Variants in IKZF1 observed in about 807,000 individuals in gnomAD.
The protein encoded by IKZF1 is DNA-binding protein Ikaros.
Under a neutral mutation model 51.7 loss-of-function variants are expected in IKZF1, and 10 were observed. That is an observed-to-expected ratio of 0.19 (90% CI 0.12 to 0.33). The LOEUF (loss-of-function observed/expected upper bound fraction) is 0.33, where lower values mean the gene tolerates loss of function less well. Among genes scored for constraint, IKZF1 ranks in the 10% least tolerant of loss-of-function variants. The pLI, the probability that IKZF1 is intolerant of heterozygous loss-of-function variation, is 1.00. For synonymous variants in IKZF1, 280 were observed against 282.3 expected, an observed-to-expected ratio of 0.99 and a Z score of 0.08; for missense variants, 484 against 707.5, an observed-to-expected ratio of 0.68 and a Z score of 3.58.
At chr7:50,333,616 T>C (rs1796902664) in intron 3 of IKZF1, among the ~76,000 whole-genome samples, 1 of 152,234 alleles carries the variant, frequency 6.6e-6, no homozygotes, top group South Asian at 2.1e-4. Flanking sequence ...TCAAGCATGT[T>C]CAAATGTGAG....
chr7:50,382,714 C>T lies in IKZF1; in HGVS notation c.589+7C>T, dbSNP rs758843088. The T allele has an allele frequency of 6.2e-7, 1 of 1,602,480 alleles. No homozygotes were observed. The highest frequency in any genetic ancestry group is 8.5e-7 in the Non-Finnish European group (1 of 1,178,390). ...CACCTGAGGACGCACTCCGGTAGGT[C>T]CCCTGGATGCAGTCCGGGGCTGTCT... On this transcript the variant is annotated splice_region_variant and intron_variant, in intron 5 of 7. Transcript: ENST00000331340.
At chr7:50,337,180 A>C (rs998994493) in intron 3 of IKZF1, among the ~76,000 whole-genome samples, 2,170 of 152,166 alleles carry the variant, frequency 0.014, 59 homozygotes, top group African/African-American at 0.05. Flanking sequence ...CCAAGGGAAG[A>C]AAGAAGACAA....
Position 50,376,955 on chromosome 7 carries a change from C to T in IKZF1, c.421+162C>T. 1 of 1,246,032 alleles carries T rather than the reference C, an allele frequency of 8.0e-7. No individual in the cohort carries two copies. The allele number at this position is 1,246,032 out of a possible 1,614,324, so 77.2% of individuals were successfully genotyped here. A position where few individuals can be genotyped will look rare whatever the true frequency, so the allele number is the denominator to read the frequency against. On this transcript the variant is annotated intron_variant, in intron 4 of 7. Transcript: ENST00000331340. The surrounding 1 kb of genome is among the most constrained non-coding windows in gnomAD (Gnocchi z 4.5). The stretch of plus-strand genomic sequence containing the variant: ...TCCAAGTGGTACCGAGTCATAGAGT[C>T]CTTGTTCTGGTACAGCCTTGTAAAG...
chr7:50,372,251 C>T (rs567141765), intron 3 of IKZF1, among the ~76,000 whole-genome samples: 9 of 152,296 alleles, frequency 5.9e-5, no homozygotes, highest in South Asian at 2.1e-4. Flanking sequence ...TGCATTTTTC[C>T]GCAAAGAAAA....
intron 3 of IKZF1, among the ~76,000 whole-genome samples, chr7:50,375,715 C>T (rs1303382523): frequency 3.7e-5 from 5 of 133,748 alleles, no homozygotes; most frequent in African/African-American, 8.3e-5. Context: ...ACCCCCCCCC[C>T]CCACCCACCA....
At position 50,401,111 on chromosome 7, in the gene IKZF1, G is replaced by A; in HGVS notation, c.*484G>A. On this transcript the variant is annotated 3_prime_UTR_variant, in exon 8 of 8. Coordinates refer to ENST00000331340, the MANE Select transcript of IKZF1 (RefSeq NM_006060.6). ...GCAGGTGAGCAGACAGGACAGGTGT[G>A]CCGCCACCCAAGTGCCAAGACACAG... The A allele has an allele frequency of 3.9e-6, 1 of 255,206 alleles. No individual in the cohort carries two copies. The allele number at this position is 255,206 out of a possible 1,614,324, so 15.8% of individuals were successfully genotyped here.
chr7:50,404,888 C>G lies in IKZF1; in HGVS notation c.*4261C>G, dbSNP rs76622586. ...CCCTTTTCTGATCTCCTGGAAACAG[C>G]TGCCTGCCTGCATTGCACTTCTCTT... On this transcript the variant is annotated 3_prime_UTR_variant, in exon 8 of 8. Coordinates refer to ENST00000331340, the MANE Select transcript of IKZF1 (RefSeq NM_006060.6). 166 of 218,088 alleles carry G rather than the reference C, an allele frequency of 7.6e-4. 2 individuals are homozygous for G. In the East Asian group the frequency reaches 0.011, roughly 15 times the overall value. 13.5% of individuals were successfully genotyped at this position (218,088 alleles called of 1,614,324 possible). A position where few individuals can be genotyped will look rare whatever the true frequency, so the allele number is the denominator to read the frequency against.
chr7:50,351,896 T>G (rs1030801381), intron 3 of IKZF1, among the ~76,000 whole-genome samples: 1 of 152,092 alleles, frequency 6.6e-6, no homozygotes, highest in Non-Finnish European at 1.5e-5. Context: ...TTTAAAGACT[T>G]TCTTGAAAAC....
chr7:50,391,486 A>T (rs1308694535), intron 6 of IKZF1, among the ~76,000 whole-genome samples: 1 of 152,180 alleles, frequency 6.6e-6, no homozygotes, highest in African/African-American at 2.4e-5. Flanking sequence ...GTGCATTTGG[A>T]CTTAAAGAGG....
chr7:50,335,367 T>C (rs1197498606), intron 3 of IKZF1, among the ~76,000 whole-genome samples: 1 of 146,422 alleles, frequency 6.8e-6, no homozygotes, highest in Non-Finnish European at 1.5e-5. Context: ...GTGTGGGATG[T>C]GTGGTGTGTG....
At chr7:50,308,710 C>T (rs1051265387) in intron 1 of IKZF1, 1 of 152,270 alleles carries the variant, frequency 6.6e-6, no homozygotes, top group African/African-American at 2.4e-5. Context: ...CCTTTCTCTG[C>T]ACCCTGGTGG....
chr7:50,369,733 G>A (rs559118080), intron 3 of IKZF1: 50 of 395,988 alleles, frequency 1.3e-4, no homozygotes, highest in East Asian at 2.1e-4. Flanking sequence ...GTTTGTGTCC[G>A]TAGTTGCTGG....
At chr7:50,313,487 A>T (rs577941891) in intron 1 of IKZF1, among the ~76,000 whole-genome samples, 1 of 152,366 alleles carries the variant, frequency 6.6e-6, no homozygotes, top group East Asian at 1.9e-4. Context: ...TACAAAGATC[A>T]TGTTTAGTTT....
chr7:50,339,001 A>C, intron 3 of IKZF1, among the ~76,000 whole-genome samples: 1 of 152,234 alleles, frequency 6.6e-6, no homozygotes, highest in Non-Finnish European at 1.5e-5. Context: ...TAATATGCGG[A>C]AAATCTGCCA....
chr7:50,404,082 T>C lies in IKZF1; in HGVS notation c.*3455T>C. 1 of 215,058 alleles carries C rather than the reference T, an allele frequency of 4.6e-6. No individual in the cohort carries two copies. The highest frequency in any genetic ancestry group is 9.4e-6 in the Non-Finnish European group (1 of 106,160). The allele number at this position is 215,058 out of a possible 1,614,324, so 13.3% of individuals were successfully genotyped here. Reference sequence around the variant, plus strand: ...GGCATCAGAAAAAAGAAGCACATAATGCTTTTGGTGCGATGGCACTCACTG... The same window carrying C: ...GGCATCAGAAAAAAGAAGCACATAACGCTTTTGGTGCGATGGCACTCACTG... On this transcript the variant is annotated 3_prime_UTR_variant, in exon 8 of 8. Transcript: ENST00000331340.
At chr7:50,306,665 C>G (rs1433859461) in intron 1 of IKZF1, among the ~76,000 whole-genome samples, 1 of 152,240 alleles carries the variant, frequency 6.6e-6, no homozygotes, top group Non-Finnish European at 1.5e-5. Context: ...TAGCCATTTC[C>G]TTTGTCGAAA....
intron 3 of IKZF1, among the ~76,000 whole-genome samples, chr7:50,364,033 CTAAATTTTA>C (rs1199137741): frequency 3.3e-5 from 5 of 152,116 alleles, no homozygotes; most frequent in South Asian, 2.1e-4. Flanking sequence ...AGCATTTTTT[CTAAATTTTA>C]TAAATTTTAT....
At chr7:50,364,741 G>A (rs1485255699) in intron 3 of IKZF1, among the ~76,000 whole-genome samples, 1 of 152,182 alleles carries the variant, frequency 6.6e-6, no homozygotes, top group Non-Finnish European at 1.5e-5. Context: ...CACAGACCTG[G>A]GGCCAGCTGG....
chr7:50,338,098 A>G (rs996720464), intron 3 of IKZF1, among the ~76,000 whole-genome samples: 7 of 152,212 alleles, frequency 4.6e-5, no homozygotes, highest in Admixed American at 3.3e-4. Context: ...AAAAAAAACT[A>G]TAGAGAAATT....
Sources: gnomAD v4.1 joint callset for allele counts (sites outside exome capture counted in the v4.1 genomes callset) on GRCh38, gnomAD v4.1.1 for gene constraint, Gnocchi (gnomAD v3.1) non-coding constraint, MANE v1.5 for transcripts, NCBI Gene and HGNC (gene_info 2026-07-23, HGNC 2026-07-21) for gene names.